Variants in SNTB1 observed in about 807,000 individuals in gnomAD.
The protein encoded by SNTB1 is syntrophin beta 1.
A neutral mutation model predicts 48.9 loss-of-function variants in SNTB1; 36 were observed. The ratio of observed to expected loss-of-function variants is 0.74; its 90% CI spans 0.56 to 0.97. SNTB1 has a LOEUF of 0.97. Ranked by LOEUF, SNTB1 falls within the 50% of genes least tolerant of loss-of-function variation. SNTB1 has a pLI of 0.00. For missense variants in SNTB1, 786 were observed against 703.4 expected, an observed-to-expected ratio of 1.12 and a Z score of -1.33; for synonymous variants, 299 against 294.6, an observed-to-expected ratio of 1.01 and a Z score of -0.15.
Position 120,548,758 on chromosome 8 carries a change from T to A in SNTB1, c.1333+4A>T. On this transcript the variant is annotated splice_donor_region_variant and intron_variant, in intron 5 of 6. Coordinates refer to ENST00000517992, the MANE Select transcript of SNTB1 (RefSeq NM_021021.4). ...TGTCCTTGGTAGCTCACTGCAGTAC[T>A]CACCAGTGCTGATTTCAGCAATGAG... 1 of 1,613,338 alleles carries A rather than the reference T, an allele frequency of 6.2e-7. No individual in the cohort carries two copies.
intron 1 of SNTB1, among the ~76,000 whole-genome samples, chr8:120,719,845 C>T (rs1387029910): frequency 2.0e-5 from 3 of 152,202 alleles, no homozygotes; most frequent in Admixed American, 6.5e-5. Flanking sequence ...CACATCAGTC[C>T]TCATGCCATG....
At chr8:120,733,216 TTCC>T (rs1173158953) in intron 1 of SNTB1, among the ~76,000 whole-genome samples, 1 of 152,242 alleles carries the variant, frequency 6.6e-6, no homozygotes, top group African/African-American at 2.4e-5. Context: ...GTCTGTTTCT[TTCC>T]TCCTCCTAGA....
intron 1 of SNTB1, among the ~76,000 whole-genome samples, chr8:120,787,090 C>T (rs1819937355): frequency 6.6e-6 from 1 of 152,134 alleles, no homozygotes; most frequent in Non-Finnish European, 1.5e-5. Context: ...AGCCATTACA[C>T]AAGGATTCTC....
chr8:120,551,887 G>A (rs1272590634), intron 4 of SNTB1, among the ~76,000 whole-genome samples: 2 of 152,034 alleles, frequency 1.3e-5, no homozygotes, highest in Non-Finnish European at 2.9e-5. Flanking sequence ...ATAGGATTAG[G>A]ATTAAATATA....
chr8:120,632,727 G>T, intron 2 of SNTB1, 76 bp from the exon 3 acceptor site: 1 of 1,239,362 alleles, frequency 8.1e-7, no homozygotes, highest in Non-Finnish European at 1.2e-6. Context: ...TCACAAAGGT[G>T]AATTAATTCT....
intron 1 of SNTB1, among the ~76,000 whole-genome samples, chr8:120,749,118 T>G (rs957886234): frequency 2.0e-5 from 3 of 152,170 alleles, no homozygotes; most frequent in Non-Finnish European, 4.4e-5. Context: ...GTTTGCCTGA[T>G]TTTTCAAAAT....
intron 4 of SNTB1, among the ~76,000 whole-genome samples, chr8:120,569,165 G>C (rs1380160100): frequency 6.6e-6 from 1 of 152,128 alleles, no homozygotes; most frequent in Non-Finnish European, 1.5e-5. Context: ...ATTTTTAGTA[G>C]AGACGGGGTT....
At chr8:120,751,674 C>T (rs1392071400) in intron 1 of SNTB1, among the ~76,000 whole-genome samples, 1 of 152,012 alleles carries the variant, frequency 6.6e-6, no homozygotes, top group Non-Finnish European at 1.5e-5. Flanking sequence ...AATTCCTGAC[C>T]ACCAGCTCCA....
Position 120,636,704 on chromosome 8 carries a change from C to T in SNTB1, c.789-4053G>A, listed in dbSNP as rs529639636. ...TGTGAATAATGCCACAATAAACATA[C>T]GTGTGCATGTGTCTTTATAGCAGCA... On this transcript the variant is annotated intron_variant, in intron 2 of 6. Transcript: ENST00000517992. 6.6e-5 allele frequency among the ~76,000 whole-genome samples: 10 copies of T among 150,848 alleles called. No homozygotes were observed. In the East Asian group the frequency reaches 9.7e-4, roughly 15 times the overall value.
At chr8:120,695,377 C>A (rs1375152422) in intron 1 of SNTB1, among the ~76,000 whole-genome samples, 2 of 152,170 alleles carry the variant, frequency 1.3e-5, no homozygotes, top group Non-Finnish European at 2.9e-5. Context: ...GGTGTCCCAT[C>A]TGGGACCCTT....
At chr8:120,611,690 C>T (rs1490041712) in intron 3 of SNTB1, among the ~76,000 whole-genome samples, 24 of 151,610 alleles carry the variant, frequency 1.6e-4, no homozygotes, top group African/African-American at 4.4e-4. Flanking sequence ...GGCGTGGTGG[C>T]GGGTGCCTGT....
At chr8:120,539,132 C>T (rs1483779040) in intron 6 of SNTB1, among the ~76,000 whole-genome samples, 163 bp from the exon 7 acceptor site, 1 of 152,152 alleles carries the variant, frequency 6.6e-6, no homozygotes, top group East Asian at 1.9e-4. Context: ...AAAGGAACAA[C>T]TCTTTGAACT....
At chr8:120,558,917 GC>G (rs1425547520) in intron 4 of SNTB1, among the ~76,000 whole-genome samples, 1 of 152,118 alleles carries the variant, frequency 6.6e-6, no homozygotes, top group East Asian at 1.9e-4. Flanking sequence ...TGTATTCCTA[GC>G]ACCTAGAACA....
At chr8:120,735,486 G>A (rs1411708502) in intron 1 of SNTB1, among the ~76,000 whole-genome samples, 1 of 152,156 alleles carries the variant, frequency 6.6e-6, no homozygotes, top group Non-Finnish European at 1.5e-5. Context: ...AGGTGATTAA[G>A]TTAAAACGAG....
intron 1 of SNTB1, among the ~76,000 whole-genome samples, chr8:120,743,311 C>T (rs1178330433): frequency 6.6e-6 from 1 of 152,158 alleles, no homozygotes; most frequent in Non-Finnish European, 1.5e-5. Context: ...CATTTGGGGT[C>T]AGGAAATTGC....
At chr8:120,597,730 G>A (rs1816348397) in intron 3 of SNTB1, among the ~76,000 whole-genome samples, 1 of 152,228 alleles carries the variant, frequency 6.6e-6, no homozygotes, top group South Asian at 2.1e-4. Context: ...GCTGATCTGT[G>A]CATTGCAGAC....
At chr8:120,758,926 CTTATTTAT>C (rs946102504) in intron 1 of SNTB1, among the ~76,000 whole-genome samples, 1 of 152,074 alleles carries the variant, frequency 6.6e-6, no homozygotes, top group Non-Finnish European at 1.5e-5. Context: ...CAGCAACCCA[CTTATTTAT>C]TTATTTATTA....
At chr8:120,635,770 G>C in intron 2 of SNTB1, 1 of 214,032 alleles carries the variant, frequency 4.7e-6, no homozygotes, top group Non-Finnish European at 1.0e-5. Context: ...GTCTTTTGTT[G>C]AGTAGATTTT....
At chr8:120,798,902 C>T (rs981552515) in intron 1 of SNTB1, among the ~76,000 whole-genome samples, 1 of 152,010 alleles carries the variant, frequency 6.6e-6, no homozygotes, top group Non-Finnish European at 1.5e-5. Flanking sequence ...ATTATGTCTC[C>T]TCTGCATTCA....
Sources: gnomAD v4.1 joint callset for allele counts (sites outside exome capture counted in the v4.1 genomes callset) on GRCh38, gnomAD v4.1.1 for gene constraint, MANE v1.5 for transcripts, NCBI Gene and HGNC (gene_info 2026-07-23, HGNC 2026-07-21) for gene names.